The following PKHD1 variants were observed in gnomAD, a reference collection of about 807,000 sequenced individuals.
PKHD1 encodes fibrocystin.
In PKHD1, 291 loss-of-function variants were observed where a neutral mutation model predicts 412.0. The observed-to-expected ratio is 0.71, with a 90% CI of 0.64 to 0.78. PKHD1 has a LOEUF of 0.78. Among genes scored for constraint, PKHD1 ranks in the 30% least tolerant of loss-of-function variants. The pLI is 0.00. For missense variants in PKHD1, 4,825 were observed against 4,950.7 expected (o/e 0.97, Z 0.76); for synonymous variants, 1,777 against 1,821.5 (o/e 0.98, Z 0.62).
intron 60 of PKHD1, among the ~76,000 whole-genome samples, chr6:51,740,239 A>T (rs1209301687): frequency 6.6e-6 from 1 of 152,216 alleles, no homozygotes; most frequent in Non-Finnish European, 1.5e-5. Context: ...CACATCCTGC[A>T]TTACACAGAT....
intron 65 of PKHD1, 107 bp downstream of exon 65, chr6:51,632,458 C>T: frequency 1.1e-6 from 1 of 895,360 alleles, no homozygotes; most frequent in Non-Finnish European, 1.7e-6. Context: ...TTTAGAGAAG[C>T]TCACAAAAAT....
intron 56 of PKHD1, 84 bp downstream of exon 56, chr6:51,754,700 T>A (rs1372484178): frequency 8.6e-7 from 1 of 1,163,252 alleles, no homozygotes; most frequent in African/African-American, 1.5e-5. Flanking sequence ...TGAATGGCAA[T>A]CAGATCCGAG....
chr6:51,773,831 C>A lies in PKHD1; in HGVS notation c.8555-1042G>T, dbSNP rs546127070. Among the ~76,000 whole-genome samples the A allele has an allele frequency of 2.0e-3, 301 of 151,036 alleles. 2 individuals carry two copies. The highest frequency in any genetic ancestry group is 6.7e-3 in the African/African-American group (279 of 41,402). ...TCCCAATTAATTAGAACTTAACCAA[C>A]TGTTTATATCAACATCCACATTTTT... On this transcript the variant is annotated intron_variant, in intron 54 of 66. Transcript: ENST00000371117.
chr6:51,948,764 T>C (rs1178236786), intron 36 of PKHD1, among the ~76,000 whole-genome samples: 1 of 152,158 alleles, frequency 6.6e-6, no homozygotes, highest in African/African-American at 2.4e-5. Context: ...GGGAAACAAC[T>C]GTCAACCATC....
chr6:52,055,798 T>C (rs1013308240), intron 18 of PKHD1, 69 bp from the exon 19 acceptor site: 1 of 1,519,494 alleles, frequency 6.6e-7, no homozygotes, highest in African/African-American at 1.4e-5. Context: ...TCCCTACATG[T>C]GTGCATGAGG....
chr6:51,798,368 A>C (rs1253168338), intron 52 of PKHD1, among the ~76,000 whole-genome samples: 1 of 128,618 alleles, frequency 7.8e-6, no homozygotes, highest in Non-Finnish European at 1.7e-5. Context: ...ACAGAGGAAG[A>C]CTCCATCTCA....
chr6:51,772,749 C>A lies in PKHD1; in HGVS notation c.8595G>T (p.Lys2865Asn). ...GKVHLYSAYP[K>N]NSWTHLGADI... is the part of the protein sequence containing the mutation. ...CAGCTCCAAGATGTGTCCAGGAGTT[C>A]TTAGGATAAGCACTGTAAAGATGAA... is the stretch of plus-strand genomic sequence containing the variant. The change falls in exon 55 of 67, where the codon AAG (lysine) becomes AAT (asparagine). Residue 2865 changes from lysine to asparagine, a missense_variant. By Grantham distance (94) the Lys-to-Asn change is moderately conservative. Coordinates refer to ENST00000371117, the MANE Select transcript of PKHD1 (RefSeq NM_138694.4). 4 of 1,600,834 alleles carry A rather than the reference C, an allele frequency of 2.5e-6. No homozygotes were observed. Among genetic ancestry groups the A allele is most frequent in the South Asian group, 1.1e-5 (1 of 90,796 alleles).
chr6:51,854,570 C>T (rs1349752619), intron 49 of PKHD1, among the ~76,000 whole-genome samples: 3 of 152,160 alleles, frequency 2.0e-5, no homozygotes, highest in Non-Finnish European at 4.4e-5. Flanking sequence ...GCTACCCACT[C>T]CCCCTGGGGC....
intron 52 of PKHD1, among the ~76,000 whole-genome samples, chr6:51,799,628 T>C (rs1762606946): frequency 2.0e-5 from 3 of 152,238 alleles, no homozygotes; most frequent in Middle Eastern, 6.8e-3. Flanking sequence ...CAATAATAAA[T>C]ATTTCAGCTA....
chr6:51,804,431 C>G (rs909894816), intron 52 of PKHD1, among the ~76,000 whole-genome samples: 1 of 143,566 alleles, frequency 7.0e-6, no homozygotes, highest in Non-Finnish European at 1.5e-5. Context: ...GTGGCTGGCA[C>G]ATAAAAGGCA....
intron 37 of PKHD1, among the ~76,000 whole-genome samples, chr6:51,923,454 G>C (rs1390125695): frequency 6.6e-6 from 1 of 151,014 alleles, no homozygotes; most frequent in East Asian, 1.9e-4. Context: ...GAATGGACCA[G>C]ATTTGGTCCA....
rs574026420 is a variant in PKHD1 at position 51,985,043 on chromosome 6, T to C, written c.5752-25017A>G. 9.6e-4 allele frequency among the ~76,000 whole-genome samples: 146 copies of C among 152,290 alleles called. No individual in the cohort carries two copies. In the South Asian group the frequency reaches 0.014, roughly 15 times the overall value. On this transcript the variant is annotated intron_variant, in intron 35 of 66. Transcript: ENST00000371117. Reference sequence around the variant, plus strand: ...GAAAAAAAAAACAATTACTAGATCATCAATTATTTTAAAATTAAAATGAAA... The same window carrying C: ...GAAAAAAAAAACAATTACTAGATCACCAATTATTTTAAAATTAAAATGAAA...
At chr6:51,803,470 GC>G (rs1562345852) in intron 52 of PKHD1, among the ~76,000 whole-genome samples, 1 of 150,254 alleles carries the variant, frequency 6.7e-6, no homozygotes, top group Non-Finnish European at 1.5e-5. Flanking sequence ...AAATATCCTT[GC>G]TTGGTAAACA....
intron 37 of PKHD1, among the ~76,000 whole-genome samples, chr6:51,914,125 A>G (rs1000247843): frequency 6.7e-6 from 1 of 149,920 alleles, no homozygotes; most frequent in Non-Finnish European, 1.5e-5. Context: ...ACAATTCTCA[A>G]TTAATATGCA....
intron 52 of PKHD1, among the ~76,000 whole-genome samples, chr6:51,817,011 G>C (rs1337298725): frequency 6.6e-6 from 1 of 152,210 alleles, no homozygotes; most frequent in African/African-American, 2.4e-5. Flanking sequence ...AAGCAACCTG[G>C]GGTGAAGGCA....
chr6:52,026,144 G>A lies in PKHD1; in HGVS notation c.3666C>T (p.Ser1222=), dbSNP rs1802151132. The change falls in exon 32 of 67, where the codon AGC becomes AGT. Residue 1222 remains serine (S), a synonymous_variant. Coordinates refer to ENST00000371117, the MANE Select transcript of PKHD1 (RefSeq NM_138694.4). ...TILSISGIGF[S]RDPALVWVLV... is the part of the protein sequence containing the mutation. The stretch of plus-strand genomic sequence containing the variant: ...GTACCCAAACCAAAGCTGGGTCCCT[G>A]CTGAAGCCTATTCCTGAGATGCTGA... The A allele has an allele frequency of 6.2e-7, 1 of 1,614,086 alleles. No individual in the cohort carries two copies. Among genetic ancestry groups the A allele is most frequent in the Non-Finnish European group, 8.5e-7 (1 of 1,179,996 alleles).
At chr6:51,806,456 TGGTA>T (rs1763798650) in intron 52 of PKHD1, among the ~76,000 whole-genome samples, 1 of 152,124 alleles carries the variant, frequency 6.6e-6, no homozygotes, top group Non-Finnish European at 1.5e-5. Context: ...ATGGCAGGCT[TGGTA>T]GGGAGAGAGC....
rs755343599 is a variant in PKHD1, at chr6:51,627,064, A to G, written c.11718T>C (p.His3906=). 6.2e-7 allele frequency: 1 copy of G among 1,611,020 alleles called. No homozygotes were observed. Among genetic ancestry groups the G allele is most frequent in the East Asian group, 2.2e-5 (1 of 44,858 alleles). The change falls in exon 66 of 67, where the codon CAT becomes CAC. Residue 3906 remains histidine, a synonymous_variant. Transcript: ENST00000371117. ...CTCGGCGTTTGGATGAGATGTGGAT[A>G]TGAATATTTTGATTATTAGTCTGGG... ...PESQTNNQNI[H]IHISSKRRES... is the part of the protein sequence containing the mutation.
chr6:51,929,777 C>T (rs533701467), intron 37 of PKHD1, among the ~76,000 whole-genome samples: 1 of 152,310 alleles, frequency 6.6e-6, no homozygotes, highest in South Asian at 2.1e-4. Flanking sequence ...ATGTTCCTTG[C>T]AATTGCACTC....
Sources: gnomAD v4.1 joint callset for allele counts (sites outside exome capture counted in the v4.1 genomes callset) on GRCh38, gnomAD v4.1.1 for gene constraint, MANE v1.5 for transcripts, NCBI Gene and HGNC (gene_info 2026-07-23, HGNC 2026-07-21) for gene names.